CYP2J2: variants seen among roughly 807,000 people sequenced by gnomAD.
The protein encoded by CYP2J2 is cytochrome P450 2J2.
In CYP2J2, 41 loss-of-function variants were observed where a neutral mutation model predicts 48.8. The observed-to-expected ratio is 0.84, with a 90% CI of 0.66 to 1.09. The LOEUF (loss-of-function observed/expected upper bound fraction) is 1.09. Ranked by LOEUF, CYP2J2 falls within the 50% of genes least tolerant of loss-of-function variation. CYP2J2 has a pLI of 0.00. For synonymous variants in CYP2J2, 221 were observed against 227.1 expected, an observed-to-expected ratio of 0.97 and a Z score of 0.24; for missense variants, 644 against 617.3, an observed-to-expected ratio of 1.04 and a Z score of -0.46.
the CYP2J2 span, among the ~76,000 whole-genome samples, chr1:59,949,342 C>T: frequency 1.3e-5 from 2 of 152,094 alleles, no homozygotes; most frequent in African/African-American, 4.8e-5. Flanking sequence ...TTTCCAAATC[C>T]CACCCCTGAC....
At chr1:59,932,537 T>C in the CYP2J2 span, among the ~76,000 whole-genome samples, 1 of 151,956 alleles carries the variant, frequency 6.6e-6, no homozygotes, top group African/African-American at 2.4e-5. Flanking sequence ...AAAGCAAAAA[T>C]TGAGGGAGTT....
chr1:59,931,853 CT>C, the CYP2J2 span, among the ~76,000 whole-genome samples: 80 of 152,130 alleles, frequency 5.3e-4, no homozygotes, highest in Non-Finnish European at 9.0e-4. Flanking sequence ...ATGATAATTT[CT>C]TATTTTGCAA....
At chr1:59,907,663 C>T in intron 6 of CYP2J2, 123 bp downstream of exon 6, 1 of 1,011,502 alleles carries the variant, frequency 9.9e-7, no homozygotes, top group Non-Finnish European at 1.5e-6. Context: ...AAGTCCTCAT[C>T]ACTCATGACT....
At chr1:59,965,844 G>A in the CYP2J2 span, among the ~76,000 whole-genome samples, 308 of 152,156 alleles carry the variant, frequency 2.0e-3, 2 homozygotes, top group Admixed American at 3.4e-3. Context: ...TAGAGACGGG[G>A]CTTCGTCATG....
the CYP2J2 span, among the ~76,000 whole-genome samples, chr1:59,955,945 C>T: frequency 6.6e-6 from 1 of 152,038 alleles, no homozygotes; most frequent in Middle Eastern, 3.4e-3. Flanking sequence ...TTTTCTGAAC[C>T]ATTTGAGGGT....
At chr1:59,939,664 G>T in the CYP2J2 span, among the ~76,000 whole-genome samples, 655 of 152,284 alleles carry the variant, frequency 4.3e-3, 2 homozygotes, top group African/African-American at 0.015. Context: ...CCCTTCAGGG[G>T]CCAAGTTCCT....
the CYP2J2 span, among the ~76,000 whole-genome samples, chr1:59,957,709 ACACACAC>A: frequency 1.3e-5 from 2 of 151,632 alleles, no homozygotes; most frequent in African/African-American, 2.4e-5. Context: ...CACACCACAC[ACACACAC>A]CACACACACA....
chr1:59,927,579 ATATTT>A (rs1355103950), upstream of CYP2J2, among the ~76,000 whole-genome samples: 2 of 151,988 alleles, frequency 1.3e-5, no homozygotes, highest in African/African-American at 4.8e-5. Context: ...TCTGCTTACA[ATATTT>A]TATTTTATTT....
chr1:59,935,421 G>A, the CYP2J2 span, among the ~76,000 whole-genome samples: 165 of 152,236 alleles, frequency 1.1e-3, 2 homozygotes, highest in Admixed American at 9.7e-3. Flanking sequence ...ACATGCACAT[G>A]CATGTAACTA....
At chr1:59,897,612 A>G (rs1420451014) in intron 8 of CYP2J2, among the ~76,000 whole-genome samples, 2 of 152,222 alleles carry the variant, frequency 1.3e-5, no homozygotes, top group Non-Finnish European at 2.9e-5. Flanking sequence ...GAACTGACTT[A>G]CAATTTTGGC....
intron 1 of CYP2J2, among the ~76,000 whole-genome samples, chr1:59,923,168 G>C (rs879550270): frequency 5.3e-5 from 8 of 152,216 alleles, no homozygotes; most frequent in African/African-American, 9.7e-5. Context: ...CCTGTCTTCT[G>C]TTCCATCTTC....
chr1:59,934,025 G>A, the CYP2J2 span, among the ~76,000 whole-genome samples: 1 of 152,036 alleles, frequency 6.6e-6, no homozygotes, highest in Non-Finnish European at 1.5e-5. Context: ...TCTGATACTG[G>A]CATAAAGACA....
chr1:59,964,537 T>C, the CYP2J2 span, among the ~76,000 whole-genome samples: 1 of 152,222 alleles, frequency 6.6e-6, no homozygotes. Context: ...AGCTTCTAAT[T>C]TGCAGAGATG....
At chr1:59,943,482 G>T in the CYP2J2 span, among the ~76,000 whole-genome samples, 1 of 152,216 alleles carries the variant, frequency 6.6e-6, no homozygotes, top group Non-Finnish European at 1.5e-5. Flanking sequence ...TTGGGGCAAT[G>T]CAGAGATTAG....
In CYP2J2 at chr1:59,926,546, C is replaced by G; in HGVS notation, c.201G>C (p.Glu67Asp). ...CTTCTCCCACTCCTACCAGCTGAAC[C>G]TCCAGGTGCGACTGCTCGAAGTCCA... ...FLVDFEQSHL[E>D]VQLFVKKYGN... The change falls in exon 1 of 9, where the codon GAG (glutamate) becomes GAC (aspartate). Residue 67 changes from glutamate to aspartate, a missense_variant. Physicochemically the swap from Glu to Asp is conservative, Grantham distance 45. Coordinates refer to ENST00000371204, the MANE Select transcript of CYP2J2 (RefSeq NM_000775.4). 1.9e-6 allele frequency: 3 copies of G among 1,613,958 alleles called. No homozygotes were observed. Among genetic ancestry groups the G allele is most frequent in the Non-Finnish European group, 2.5e-6 (3 of 1,179,804 alleles).
the CYP2J2 span, among the ~76,000 whole-genome samples, chr1:59,944,739 TTTTATTA>T: frequency 6.6e-6 from 1 of 152,162 alleles, no homozygotes. Flanking sequence ...TTAGTTTCAA[TTTTATTA>T]TTTATTATTT....
At chr1:59,962,837 A>G in the CYP2J2 span, among the ~76,000 whole-genome samples, 13 of 152,318 alleles carry the variant, frequency 8.5e-5, no homozygotes, top group South Asian at 1.9e-3. Context: ...TGGCTCTACT[A>G]TAGAGTAAAC....
the CYP2J2 span, among the ~76,000 whole-genome samples, chr1:59,943,616 G>A: frequency 6.6e-6 from 1 of 151,944 alleles, no homozygotes; most frequent in African/African-American, 2.4e-5. Context: ...CATGATTTTG[G>A]GTTTAGCAAG....
the CYP2J2 span, among the ~76,000 whole-genome samples, chr1:59,938,669 C>T: frequency 6.6e-6 from 1 of 152,100 alleles, no homozygotes; most frequent in Non-Finnish European, 1.5e-5. Flanking sequence ...GAGAAAGAGA[C>T]CTTCCTCTAT....
Sources: allele counts gnomAD v4.1 joint callset (sites outside exome capture counted in the v4.1 genomes callset), GRCh38; gene constraint gnomAD v4.1.1; transcripts MANE v1.5; gene names NCBI Gene and HGNC (gene_info 2026-07-23, HGNC 2026-07-21).